The following EHF variants were observed in gnomAD, a reference collection of about 807,000 sequenced individuals.
The protein encoded by EHF is ETS homologous factor, also known as ESE3 transcription factor.
EHF carries 14 observed loss-of-function variants against 45.1 expected under a neutral mutation model. The ratio of observed to expected loss-of-function variants is 0.31; its 90% CI spans 0.21 to 0.49. The LOEUF is 0.49. Ranked by LOEUF, EHF falls within the 20% of genes least tolerant of loss-of-function variation. EHF has a pLI of 0.99. For missense variants in EHF, 282 were observed against 371.4 expected, an observed-to-expected ratio of 0.76 and a Z score of 1.98; for synonymous variants, 136 against 131.8, an observed-to-expected ratio of 1.03 and a Z score of -0.22.
At chr11:34,631,566 T>C in intron 1 of EHF, 1 of 984,866 alleles carries the variant, frequency 1.0e-6, no homozygotes, top group South Asian at 4.7e-5. Flanking sequence ...CCTTTCCACC[T>C]GGGACCTGAG....
chr11:34,652,523 G>A (rs1415659585), intron 6 of EHF, among the ~76,000 whole-genome samples: 1 of 152,202 alleles, frequency 6.6e-6, no homozygotes, highest in East Asian at 1.9e-4. Context: ...AGGTGCATTG[G>A]CGTGTACAGT....
At chr11:34,625,768 G>A (rs1027457817) in intron 1 of EHF, among the ~76,000 whole-genome samples, 3 of 152,150 alleles carry the variant, frequency 2.0e-5, no homozygotes, top group African/African-American at 7.2e-5. Flanking sequence ...TTTGTTTTAC[G>A]GGGCCGGGCC....
intron 1 of EHF, among the ~76,000 whole-genome samples, chr11:34,641,364 G>T (rs573775342): frequency 4.6e-5 from 7 of 152,280 alleles, no homozygotes; most frequent in Admixed American, 2.6e-4. Context: ...TTGAATAAAT[G>T]AATACATGAA....
At position 34,649,007 on chromosome 11, in the gene EHF, T is replaced by C; in HGVS notation, c.344-12T>C. ...TGGGCCCTCTCTGACTATCCCAATC[T>C]GTCCTTCACAGGCCAGTGCAGTAGT... is the stretch of plus-strand genomic sequence containing the variant. On this transcript the variant is annotated splice_polypyrimidine_tract_variant and intron_variant, in intron 3 of 8. Coordinates refer to ENST00000257831, the MANE Select transcript of EHF (RefSeq NM_012153.6). 1.9e-6 allele frequency: 3 copies of C among 1,612,542 alleles called. No homozygotes were observed. Among genetic ancestry groups the C allele is most frequent in the Non-Finnish European group, 2.5e-6 (3 of 1,178,816 alleles).
intron 6 of EHF, among the ~76,000 whole-genome samples, chr11:34,652,520 T>C (rs1471074828): frequency 1.3e-5 from 2 of 152,206 alleles, no homozygotes; most frequent in African/African-American, 4.8e-5. Flanking sequence ...AATAGGTGCA[T>C]TGGCGTGTAC....
rs769001428 is a variant in EHF at position 34,662,772 on chromosome 11, G to A, written c.*3841G>A. The stretch of plus-strand genomic sequence containing the variant: ...CTTGTTGAGTGCCTGCTATGTGCAC[G>A]GCATGGGCCCATATGTGTGAGGAGC... On this transcript the variant is annotated 3_prime_UTR_variant, in exon 9 of 9. Coordinates refer to ENST00000257831, the MANE Select transcript of EHF (RefSeq NM_012153.6). Among the ~76,000 whole-genome samples the A allele has an allele frequency of 1.1e-4, 17 of 152,152 alleles. No homozygotes were observed. The South Asian group carries it at 1.7e-3, about 15-fold the overall frequency.
At chr11:34,624,336 G>A (rs1241413738) in intron 1 of EHF, 8 of 985,228 alleles carry the variant, frequency 8.1e-6, no homozygotes, top group Non-Finnish European at 9.6e-6. Context: ...GGTCTGCGGC[G>A]GGGATTGCCA....
intron 1 of EHF, among the ~76,000 whole-genome samples, chr11:34,621,824 A>G (rs1351555710): frequency 6.6e-6 from 1 of 152,262 alleles, no homozygotes; most frequent in Non-Finnish European, 1.5e-5. Context: ...CTGAATATCT[A>G]CAAAAACAAA....
At chr11:34,640,731 A>G (rs1405207793) in intron 1 of EHF, among the ~76,000 whole-genome samples, 1 of 152,230 alleles carries the variant, frequency 6.6e-6, no homozygotes, top group African/African-American at 2.4e-5. Context: ...GGTGAGAATC[A>G]AAGAGCTTTT....
At chr11:34,639,630 G>A (rs576848479) in intron 1 of EHF, among the ~76,000 whole-genome samples, 126 of 152,322 alleles carry the variant, frequency 8.3e-4, no homozygotes, top group Middle Eastern at 6.8e-3. Flanking sequence ...TCCCTGCCCA[G>A]TTGGAAATGC....
intron 1 of EHF, 93 bp downstream of exon 1, chr11:34,621,321 G>C (rs969691010): frequency 6.6e-6 from 1 of 152,244 alleles, no homozygotes; most frequent in African/African-American, 2.4e-5. Context: ...GATGAAACTA[G>C]AACAGACTCT....
chr11:34,627,112 TTGTG>T (rs6144298), intron 1 of EHF, among the ~76,000 whole-genome samples: 111 of 148,656 alleles, frequency 7.5e-4, no homozygotes, highest in African/African-American at 1.4e-3. Flanking sequence ...GGATTTTGGT[TTGTG>T]TGTGTGTGTG....
intron 7 of EHF, 115 bp downstream of exon 7, chr11:34,657,085 C>A: frequency 8.0e-7 from 1 of 1,245,838 alleles, no homozygotes; most frequent in Non-Finnish European, 1.1e-6. Context: ...ATGTCTTCAT[C>A]CCAAACAGGG....
chr11:34,624,592 C>A (rs563763423), intron 1 of EHF, among the ~76,000 whole-genome samples: 15 of 152,252 alleles, frequency 9.9e-5, no homozygotes, highest in Middle Eastern at 3.4e-3. Flanking sequence ...GTGCAGGAAA[C>A]AAACAGTGCA....
intron 3 of EHF, 62 bp downstream of exon 3, chr11:34,646,746 T>C (rs746262357): frequency 9.4e-6 from 15 of 1,587,468 alleles, no homozygotes; most frequent in Non-Finnish European, 1.3e-5. Flanking sequence ...GAATAGAGAT[T>C]CTGCAGATGA....
chr11:34,637,738 T>G (rs1012544049), intron 1 of EHF, among the ~76,000 whole-genome samples: 1 of 152,134 alleles, frequency 6.6e-6, no homozygotes, highest in Non-Finnish European at 1.5e-5. Flanking sequence ...TCTTACAAAC[T>G]TCTGCCCAAA....
intron 1 of EHF, chr11:34,631,611 A>C: frequency 2.0e-6 from 2 of 980,682 alleles, no homozygotes; most frequent in Non-Finnish European, 2.4e-6. Context: ...GAGTGGGTCT[A>C]CACAGCCCGA....
Position 34,656,969 on chromosome 11 carries a change from C to T in EHF, c.606C>T (p.His202=). ...CTGCCAAGTGCCACACCAAAAAGCA[C>T]AGTAAGTTGGCTGGCTTTCAGATGG... The part of the protein sequence containing the change: ...DPPAKCHTKK[H]NPRGTHLWEF... Residue 202 remains histidine (H), a splice_region_variant and synonymous_variant, in exon 7 of 9, where the codon CAC becomes CAT. Coordinates refer to ENST00000257831, the MANE Select transcript of EHF (RefSeq NM_012153.6). 3.1e-6 allele frequency: 5 copies of T among 1,613,468 alleles called. No homozygotes were observed. Among genetic ancestry groups the T allele is most frequent in the South Asian group, 2.2e-5 (2 of 91,004 alleles).
chr11:34,640,545 C>A (rs539169355), intron 1 of EHF, among the ~76,000 whole-genome samples: 1 of 152,304 alleles, frequency 6.6e-6, no homozygotes, highest in East Asian at 1.9e-4. Flanking sequence ...GGCCCTGGGC[C>A]CCCCTCCTTC....
Sources: gnomAD v4.1 joint callset for allele counts (sites outside exome capture counted in the v4.1 genomes callset) on GRCh38, gnomAD v4.1.1 for gene constraint, MANE v1.5 for transcripts, NCBI Gene and HGNC (gene_info 2026-07-23, HGNC 2026-07-21) for gene names.